CLPB: variants seen among roughly 807,000 people sequenced by gnomAD.
CLPB encodes the protein ClpB family mitochondrial disaggregase.
Under a neutral mutation model 78.4 loss-of-function variants are expected in CLPB, and 40 were observed. The ratio of observed to expected loss-of-function variants is 0.51; its 90% CI spans 0.40 to 0.66. CLPB has a LOEUF of 0.66. CLPB is among the 30% of genes least tolerant of loss of function. The probability of loss-of-function intolerance (pLI) is 0.00; values close to 1 mark genes in which losing one functional copy is unlikely to be tolerated. For missense variants in CLPB, 780 were observed against 886.9 expected (o/e 0.88, Z 1.53); for synonymous variants, 333 against 348.0 (o/e 0.96, Z 0.48).
At chr11:72,365,419 T>C (rs71477724) in intron 4 of CLPB, among the ~76,000 whole-genome samples, 1,547 of 152,278 alleles carry the variant, frequency 0.01, 9 homozygotes, top group South Asian at 0.027. Flanking sequence ...CTGGGAATAG[T>C]TGAAGAGAAA....
At chr11:72,402,904 C>T (rs1855603822) in intron 3 of CLPB, 62 bp downstream of exon 3, 1 of 1,421,410 alleles carries the variant, frequency 7.0e-7, no homozygotes, top group Non-Finnish European at 9.9e-7. Flanking sequence ...TGGGAGAGTG[C>T]TCAGGAGCAC....
chr11:72,294,776 A>G, intron 12 of CLPB, 83 bp from the exon 13 acceptor site: 2 of 1,133,108 alleles, frequency 1.8e-6, no homozygotes, highest in Non-Finnish European at 2.7e-6. Flanking sequence ...CTGCCCATGG[A>G]AAGAGCCCTG....
intron 3 of CLPB, among the ~76,000 whole-genome samples, chr11:72,383,656 C>T (rs1248620519): frequency 2.6e-5 from 4 of 151,762 alleles, no homozygotes; most frequent in Non-Finnish European, 5.9e-5. Context: ...ACCTTATAGG[C>T]CAGGAGAGAA....
At chr11:72,430,465 G>A in intron 1 of CLPB, 102 bp from the exon 2 acceptor site, 1 of 961,264 alleles carries the variant, frequency 1.0e-6, no homozygotes, top group Non-Finnish European at 1.6e-6. Flanking sequence ...TTAGAAACGT[G>A]GACTTTGACA....
chr11:72,374,506 C>T (rs1480486937), intron 4 of CLPB, among the ~76,000 whole-genome samples: 1 of 152,172 alleles, frequency 6.6e-6, no homozygotes, highest in Non-Finnish European at 1.5e-5. Context: ...GATTTCCATA[C>T]CAAGCATCCT....
intron 2 of CLPB, among the ~76,000 whole-genome samples, chr11:72,405,784 C>T (rs1371573819): frequency 4.6e-5 from 7 of 152,138 alleles, no homozygotes; most frequent in South Asian, 4.2e-4. Flanking sequence ...AAAAATTAGC[C>T]GGGCGTGGTG....
At chr11:72,327,227 T>C (rs542711603) in intron 6 of CLPB, among the ~76,000 whole-genome samples, 22 of 152,304 alleles carry the variant, frequency 1.4e-4, no homozygotes, top group African/African-American at 5.3e-4. Context: ...GGCTCTGCCA[T>C]GGAATAAATC....
intron 3 of CLPB, among the ~76,000 whole-genome samples, chr11:72,389,249 A>G (rs1251922884): frequency 6.6e-6 from 1 of 152,222 alleles, no homozygotes; most frequent in Non-Finnish European, 1.5e-5. Flanking sequence ...ACATGGGGAG[A>G]TGATGGTGAG....
chr11:72,310,120 C>T (rs1253255841), intron 7 of CLPB, among the ~76,000 whole-genome samples: 1 of 152,144 alleles, frequency 6.6e-6, no homozygotes, highest in South Asian at 2.1e-4. Context: ...TGGGACCAGA[C>T]TGTGAAGGTC....
chr11:72,317,289 C>T, intron 6 of CLPB, 69 bp from the exon 7 acceptor site: 1 of 1,186,982 alleles, frequency 8.4e-7, no homozygotes, highest in Admixed American at 2.3e-5. Flanking sequence ...CTCTATCCCC[C>T]AACTCGGGGA....
At chr11:72,429,663 G>A (rs769202399) in intron 2 of CLPB, among the ~76,000 whole-genome samples, 8 of 152,180 alleles carry the variant, frequency 5.3e-5, no homozygotes, top group Non-Finnish European at 1.2e-4. Context: ...CCCCATGCTG[G>A]CCCCAGTCTG....
Position 72,305,346 on chromosome 11 carries a change from G to A in CLPB, c.1122+1853C>T, listed in dbSNP as rs138943097. 3.9e-5 allele frequency among the ~76,000 whole-genome samples: 6 copies of A among 152,364 alleles called. No homozygotes were observed. In the East Asian group the frequency reaches 1.2e-3, roughly 29 times the overall value. ...TGCTATCTTCCCCATAGGATCAAATGGGAGAGTAGATGGGGCACTGCTATG... is the reference window on the plus strand; with the variant it reads ...TGCTATCTTCCCCATAGGATCAAATAGGAGAGTAGATGGGGCACTGCTATG... On this transcript the variant is annotated intron_variant, in intron 9 of 15. Transcript: ENST00000538039.
chr11:72,430,019 T>G (rs1856499291), intron 2 of CLPB, among the ~76,000 whole-genome samples: 1 of 152,102 alleles, frequency 6.6e-6, no homozygotes, highest in South Asian at 2.1e-4. Context: ...AATCAGAAGA[T>G]TCAGAGAAGA....
At position 72,434,331 on chromosome 11, in the gene CLPB, C is replaced by T. The variant is rs557250186; in HGVS notation, c.144G>A (p.Leu48=). 1.2e-4 allele frequency: 186 copies of T among 1,612,256 alleles called. 1 individual carries two copies. Among genetic ancestry groups the T allele is most frequent in the Non-Finnish European group, 7.5e-5 (88 of 1,179,712 alleles). Residue 48 remains leucine (L), a synonymous_variant, in exon 1 of 16, where the codon CTG becomes CTA. Transcript: ENST00000538039. ...CAGGGCGCCCCCCGGTGGCTACCCT[C>T]AGCCACTGCGGCTCCCCGAGACTCC... ...TTGSLGEPQW[L]RVATGGRPGT... is the part of the protein sequence containing the mutation.
intron 5 of CLPB, chr11:72,357,060 A>T (rs1207011818): frequency 6.6e-6 from 1 of 152,230 alleles, no homozygotes; most frequent in African/African-American, 2.4e-5. Flanking sequence ...CAGAAGCATC[A>T]GTCATCCCAA....
intron 1 of CLPB, among the ~76,000 whole-genome samples, chr11:72,432,493 T>A (rs981523312): frequency 6.6e-6 from 1 of 151,950 alleles, no homozygotes; most frequent in African/African-American, 2.4e-5. Context: ...GGCCCTCTGA[T>A]CCCCCAACGA....
intron 6 of CLPB, among the ~76,000 whole-genome samples, chr11:72,319,468 T>C (rs542441903): frequency 4.6e-5 from 7 of 152,288 alleles, no homozygotes; most frequent in Non-Finnish European, 8.8e-5. Context: ...CTTTCAGCTG[T>C]CTCCATCTGA....
Position 72,434,240 on chromosome 11 carries a change from C to T in CLPB, c.235G>A (p.Asp79Asn). The stretch of plus-strand genomic sequence containing the variant: ...GTGGCAGCCGCGAGGCATTTGGTAT[C>T]GAAGCGTCCTCCCTGGCGCCCCCCG... ...ATGGRQGGRF[D>N]TKCLAAATWG... The change falls in exon 1 of 16, where the codon GAT (aspartate) becomes AAT (asparagine). Residue 79 changes from aspartate (D) to asparagine (N), a missense_variant. By Grantham distance (23) the Asp-to-Asn change is conservative. Coordinates refer to ENST00000538039, the MANE Select transcript of CLPB (RefSeq NM_001258392.3). 1 of 1,613,592 alleles carries T rather than the reference C, an allele frequency of 6.2e-7. No individual in the cohort carries two copies. The highest frequency in any genetic ancestry group is 8.5e-7 in the Non-Finnish European group (1 of 1,179,970).
At position 72,385,637 on chromosome 11, in the gene CLPB, A is replaced by G. The variant is rs1855052289; in HGVS notation, c.543-5253T>C. Reference sequence around the variant, plus strand: ...CAGGAGTTCGAGACCAGCCTGGCCAACATGGTGAAACCCTGTCTCTACTAA... The same window carrying G: ...CAGGAGTTCGAGACCAGCCTGGCCAGCATGGTGAAACCCTGTCTCTACTAA... On this transcript the variant is annotated intron_variant, in intron 3 of 15. Coordinates refer to ENST00000538039, the MANE Select transcript of CLPB (RefSeq NM_001258392.3). Among the ~76,000 whole-genome samples, 3 of 152,312 alleles carry G rather than the reference A, an allele frequency of 2.0e-5. No homozygotes were observed. The South Asian group carries it at 6.2e-4, about 32-fold the overall frequency.
Sources: gnomAD v4.1 joint callset for allele counts (sites outside exome capture counted in the v4.1 genomes callset) on GRCh38, gnomAD v4.1.1 for gene constraint, MANE v1.5 for transcripts, NCBI Gene and HGNC (gene_info 2026-07-23, HGNC 2026-07-21) for gene names.